Variants in SEMA3A observed in about 807,000 individuals in gnomAD.
SEMA3A encodes semaphorin-3A.
SEMA3A carries 29 observed loss-of-function variants against 97.9 expected under a neutral mutation model. The ratio of observed to expected loss-of-function variants is 0.30; its 90% confidence interval spans 0.22 to 0.40. The LOEUF is 0.40. Ranked by LOEUF, SEMA3A falls within the 10% of genes least tolerant of loss-of-function variation. The pLI is 1.00. For synonymous variants in SEMA3A, 321 were observed against 323.7 expected, an observed-to-expected ratio of 0.99 and a Z score of 0.09; for missense variants, 763 against 951.3, an observed-to-expected ratio of 0.80 and a Z score of 2.60.
intron 4 of SEMA3A, among the ~76,000 whole-genome samples, chr7:84,079,433 A>G (rs1051681256): frequency 6.6e-6 from 1 of 150,994 alleles, no homozygotes; most frequent in Non-Finnish European, 1.5e-5. Flanking sequence ...AAATGGGAGA[A>G]AATTTTCGCA....
chr7:83,981,267 G>C, intron 14 of SEMA3A, 54 bp downstream of exon 14: 1 of 1,582,932 alleles, frequency 6.3e-7, no homozygotes, highest in Non-Finnish European at 8.6e-7. Flanking sequence ...TTCAAACTTG[G>C]AATCAGATAG....
At chr7:84,166,956 T>C (rs75269062) in intron 1 of SEMA3A, among the ~76,000 whole-genome samples, 3,310 of 151,810 alleles carry the variant, frequency 0.022, 43 homozygotes, top group Middle Eastern at 0.055. Flanking sequence ...ATGTATTCTA[T>C]ATAAATTTGT....
At chr7:84,205,752 A>C (rs1798477252) in intron 3 of SEMA3A, among the ~76,000 whole-genome samples, 1 of 152,180 alleles carries the variant, frequency 6.6e-6, no homozygotes, top group Non-Finnish European at 1.5e-5. Context: ...CATGTTTTAT[A>C]ACACTATCCA....
chr7:84,309,696 C>T (rs1801265904), intron 2 of SEMA3A, among the ~76,000 whole-genome samples: 1 of 152,160 alleles, frequency 6.6e-6, no homozygotes. Context: ...TCCTAGTATT[C>T]GTTTGCTTGG....
intron 3 of SEMA3A, among the ~76,000 whole-genome samples, chr7:84,212,950 C>T (rs1798665447): frequency 6.6e-6 from 1 of 152,014 alleles, no homozygotes; most frequent in African/African-American, 2.4e-5. Flanking sequence ...ATTTCAGTCT[C>T]TCTTCCTTAT....
At chr7:84,424,998 T>G (rs1804753711) in intron 1 of SEMA3A, among the ~76,000 whole-genome samples, 1 of 103,648 alleles carries the variant, frequency 9.6e-6, no homozygotes, top group Admixed American at 1.4e-4. Flanking sequence ...TATATTTTTA[T>G]TTATTTATAT....
At chr7:84,182,038 CAAGTGTCTTCTGTTAGACAA>C (rs1416453300) in intron 1 of SEMA3A, among the ~76,000 whole-genome samples, 1 of 152,058 alleles carries the variant, frequency 6.6e-6, no homozygotes, top group Non-Finnish European at 1.5e-5. Context: ...GTCTGGCTTC[CAAGTGTCTTCTGTTAGACAA>C]AAGCCCCTTT....
intron 1 of SEMA3A, among the ~76,000 whole-genome samples, chr7:84,436,424 A>G (rs2116330286): frequency 6.6e-6 from 1 of 152,300 alleles, no homozygotes; most frequent in South Asian, 2.1e-4. Flanking sequence ...ATATTTTCAA[A>G]CTATTCATCC....
At chr7:84,083,879 G>A (rs186024958) in intron 4 of SEMA3A, among the ~76,000 whole-genome samples, 22 of 151,992 alleles carry the variant, frequency 1.4e-4, no homozygotes, top group East Asian at 5.8e-4. Flanking sequence ...GGCTCTTTCC[G>A]TGATAACCTC....
chr7:84,314,652 G>A lies in SEMA3A; in HGVS notation c.-168-7360C>T, dbSNP rs147134275. Among the ~76,000 whole-genome samples the A allele has an allele frequency of 1.9e-3, 284 of 152,270 alleles. 1 individual carries two copies. Among genetic ancestry groups the A allele is most frequent in the African/African-American group, 6.0e-3 (251 of 41,566 alleles). ...TTGAGATCATTTGTTACCATAGTAC[G>A]ACTTATTCTAGACTCACTGAACTAT... is the stretch of plus-strand genomic sequence containing the variant. On this transcript the variant is annotated intron_variant, in intron 2 of 3. Coordinates refer to the SEMA3A transcript ENST00000424555.
At chr7:84,282,469 T>C (rs1800462934) in intron 3 of SEMA3A, among the ~76,000 whole-genome samples, 1 of 152,164 alleles carries the variant, frequency 6.6e-6, no homozygotes, top group Admixed American at 6.6e-5. Context: ...TAAAATGTTA[T>C]TATCTTTACT....
intron 2 of SEMA3A, among the ~76,000 whole-genome samples, chr7:84,337,150 T>C (rs1022483543): frequency 6.6e-6 from 1 of 152,164 alleles, no homozygotes; most frequent in Non-Finnish European, 1.5e-5. Flanking sequence ...ATATGAGGAT[T>C]AACATGAAGA....
chr7:84,416,880 T>C (rs1804450739), intron 1 of SEMA3A, among the ~76,000 whole-genome samples: 1 of 152,116 alleles, frequency 6.6e-6, no homozygotes, highest in African/African-American at 2.4e-5. Context: ...AATAAAATGA[T>C]CCAGACACTA....
At chr7:84,491,273 A>G (rs1806723196) in intron 1 of SEMA3A, among the ~76,000 whole-genome samples, 2 of 152,126 alleles carry the variant, frequency 1.3e-5, no homozygotes, top group Admixed American at 1.3e-4. Context: ...TAACTACTCT[A>G]CATATGTGCA....
chr7:84,086,188 T>C (rs2527035), intron 4 of SEMA3A, among the ~76,000 whole-genome samples: 34,830 of 151,646 alleles, frequency 0.23, 4,435 homozygotes, highest in African/African-American at 0.34. Context: ...GCTGTCAACC[T>C]TTGCCAGCAC....
chr7:84,141,200 C>T (rs187756740), intron 1 of SEMA3A, among the ~76,000 whole-genome samples: 41 of 152,098 alleles, frequency 2.7e-4, no homozygotes, highest in African/African-American at 8.0e-4. Flanking sequence ...TTGGTGATGC[C>T]GAGTATATTC....
chr7:84,389,370 G>A (rs1803481445), intron 1 of SEMA3A, among the ~76,000 whole-genome samples: 1 of 152,034 alleles, frequency 6.6e-6, no homozygotes, highest in African/African-American at 2.4e-5. Flanking sequence ...TATTTTGTGA[G>A]TCTGAAGTAT....
At chr7:84,137,400 CAAAAAAAAA>C (rs59886680) in intron 1 of SEMA3A, among the ~76,000 whole-genome samples, 1 of 100,622 alleles carries the variant, frequency 9.9e-6, no homozygotes, top group East Asian at 2.8e-4. Context: ...CATTCAGTCT[CAAAAAAAAA>C]AAAAAAAAGA....
chr7:84,296,348 T>C (rs908414467), intron 3 of SEMA3A, among the ~76,000 whole-genome samples: 1 of 152,162 alleles, frequency 6.6e-6, no homozygotes, highest in Non-Finnish European at 1.5e-5. Context: ...TTTGTAATCA[T>C]AAATTTGAGC....
Sources: allele counts gnomAD v4.1 joint callset (sites outside exome capture counted in the v4.1 genomes callset), GRCh38; gene constraint gnomAD v4.1.1; transcripts MANE v1.5; gene names NCBI Gene and HGNC (gene_info 2026-07-23, HGNC 2026-07-21).